The following MAP2K2 variants were observed in gnomAD, a reference collection of about 807,000 sequenced individuals.
The protein encoded by MAP2K2 is mitogen-activated protein kinase kinase 2.
MAP2K2 carries 24 observed loss-of-function variants against 43.7 expected under a neutral mutation model. That is an observed-to-expected ratio of 0.55 (90% CI 0.40 to 0.77). The LOEUF (loss-of-function observed/expected upper bound fraction) is 0.77, where lower values mean the gene tolerates loss of function less well. Ranked by LOEUF, MAP2K2 falls within the 30% of genes least tolerant of loss-of-function variation. The pLI, the probability that MAP2K2 is intolerant of heterozygous loss-of-function variation, is 0.00. For synonymous variants in MAP2K2, 244 were observed against 239.7 expected (o/e 1.02, Z -0.17); for missense variants, 470 against 566.8 (o/e 0.83, Z 1.73).
intron 8 of MAP2K2, among the ~76,000 whole-genome samples, chr19:4,096,174 G>C (rs2040914611): frequency 6.6e-6 from 1 of 152,248 alleles, no homozygotes; most frequent in Non-Finnish European, 1.5e-5. Context: ...GCAGGGCAGG[G>C]GCAGGCCTTT....
chr19:4,099,273 C>A lies in MAP2K2; in HGVS notation c.847G>T (p.Val283Leu), dbSNP rs185999703. The change falls in exon 7 of 11, where the codon GTG (valine) becomes TTG (leucine). Residue 283 changes from valine to leucine, a missense_variant. Val to Leu is a conservative substitution (Grantham distance 32). This residue lies in a region of MAP2K2 where 212 missense variants were observed against 220.8 expected (regional missense o/e 0.96). Coordinates refer to ENST00000262948, the MANE Select transcript of MAP2K2 (RefSeq NM_030662.4). ...GGCTCTCCTTCTTCCCCGTCGACCA[C>A]GGGCCGGCCAAAGATGGCCTCCAGC... ...KELEAIFGRP[V>L]VDGEEGEPHS... 4.4e-6 allele frequency: 7 copies of A among 1,605,934 alleles called. No individual in the cohort carries two copies. In the East Asian group the frequency reaches 1.3e-4, roughly 31 times the overall value.
intron 3 of MAP2K2, among the ~76,000 whole-genome samples, chr19:4,108,041 G>A (rs1000917614): frequency 6.6e-6 from 1 of 152,188 alleles, no homozygotes; most frequent in Non-Finnish European, 1.5e-5. Context: ...GGGAGGGAAT[G>A]AATCAGGTGC....
intron 9 of MAP2K2, 97 bp from the exon 10 acceptor site, chr19:4,094,595 G>T (rs539583316): frequency 8.5e-7 from 1 of 1,176,712 alleles, no homozygotes; most frequent in Non-Finnish European, 1.2e-6. Flanking sequence ...GGCCGTGGTC[G>T]GAGGGGGCCT....
intron 3 of MAP2K2, chr19:4,103,248 G>C (rs538270942): frequency 1.0e-6 from 1 of 985,654 alleles, no homozygotes; most frequent in Non-Finnish European, 1.2e-6. Context: ...GCTGGTCCCC[G>C]GGTGTGGCCC....
chr19:4,101,813 C>T lies in MAP2K2; in HGVS notation c.529-533G>A, dbSNP rs530630295. On this transcript the variant is annotated intron_variant, in intron 4 of 10. Coordinates refer to ENST00000262948, the MANE Select transcript of MAP2K2 (RefSeq NM_030662.4). The surrounding 1 kb of genome is among the most constrained non-coding windows in gnomAD (Gnocchi z 6.3). ...TCGGAAACGCGTGTCTGGCAGCATGCGTCCTGTGTCTTAATCCAACACTGG... is the reference window on the plus strand; with the variant it reads ...TCGGAAACGCGTGTCTGGCAGCATGTGTCCTGTGTCTTAATCCAACACTGG... 2.2e-4 allele frequency among the ~76,000 whole-genome samples: 34 copies of T among 152,294 alleles called. No homozygotes were observed. Among genetic ancestry groups the T allele is most frequent in the Middle Eastern group, 6.8e-3 (2 of 294 alleles).
At chr19:4,103,778 G>A (rs1333229683) in intron 3 of MAP2K2, among the ~76,000 whole-genome samples, 1 of 152,196 alleles carries the variant, frequency 6.6e-6, no homozygotes, top group Admixed American at 6.5e-5. Flanking sequence ...GACCTCTAAA[G>A]CATACACGTG....
chr19:4,105,155 C>CGTGTGTGTGTGTGTGTGTGTGTGT (rs61710801), intron 3 of MAP2K2, among the ~76,000 whole-genome samples: 2 of 137,688 alleles, frequency 1.5e-5, no homozygotes, highest in African/African-American at 5.9e-5. Context: ...ACACGTCTAC[C>CGTGTGTGTGTGTGTGTGTGTGTGT]GTGTGTGTGT....
At chr19:4,102,875 C>T (rs2041034693) in intron 3 of MAP2K2, 2 of 1,176,008 alleles carry the variant, frequency 1.7e-6, no homozygotes, top group African/African-American at 3.2e-5. Context: ...GCGTCTTGGG[C>T]CTGCGTCCTC....
At chr19:4,100,958 G>C (rs1258832030) in intron 6 of MAP2K2, 61 bp downstream of exon 6, 2 of 1,544,490 alleles carry the variant, frequency 1.3e-6, no homozygotes, top group Admixed American at 2.0e-5. Flanking sequence ...AGCTGGGTGG[G>C]GAGAGCTTGG....
At chr19:4,097,738 G>T (rs2040940610) in intron 7 of MAP2K2, among the ~76,000 whole-genome samples, 1 of 152,324 alleles carries the variant, frequency 6.6e-6, no homozygotes, top group South Asian at 2.1e-4. Flanking sequence ...GCGGTGATGG[G>T]GGCAGGCCCC....
At chr19:4,110,686 G>T (rs377601348) in intron 2 of MAP2K2, 31 bp from the exon 3 acceptor site, 73 of 1,601,506 alleles carry the variant, frequency 4.6e-5, no homozygotes, top group Middle Eastern at 1.7e-4. Flanking sequence ...GACTGGCTTG[G>T]GGGGTGCCCG....
At chr19:4,110,036 G>A (rs1283635957) in intron 3 of MAP2K2, among the ~76,000 whole-genome samples, 1 of 152,172 alleles carries the variant, frequency 6.6e-6, no homozygotes, top group African/African-American at 2.4e-5. Flanking sequence ...GGGCGCGGTG[G>A]CTCACACCTG....
intron 4 of MAP2K2, 138 bp downstream of exon 4, chr19:4,102,238 A>C: frequency 1.3e-6 from 1 of 751,804 alleles, no homozygotes; most frequent in Non-Finnish European, 2.3e-6. Context: ...GCAGGTGGGC[A>C]CAGCCTTGGC....
At chr19:4,108,199 C>A (rs1036001889) in intron 3 of MAP2K2, among the ~76,000 whole-genome samples, 1 of 152,184 alleles carries the variant, frequency 6.6e-6, no homozygotes, top group Non-Finnish European at 1.5e-5. Flanking sequence ...CCTGTCAGGG[C>A]TCACCCAATG....
At chr19:4,114,301 C>T (rs1411482985) in intron 2 of MAP2K2, among the ~76,000 whole-genome samples, 1 of 152,132 alleles carries the variant, frequency 6.6e-6, no homozygotes, top group African/African-American at 2.4e-5. Flanking sequence ...AACTGTAAAA[C>T]GAGGCTGCTG....
At position 4,101,254 on chromosome 19, in the gene MAP2K2, T is replaced by A; in HGVS notation, c.555A>T (p.Arg185=). 1 of 1,586,230 alleles carries A rather than the reference T, an allele frequency of 6.3e-7. No individual in the cohort carries two copies. The highest frequency in any genetic ancestry group is 1.3e-5 in the African/African-American group (1 of 74,442). ...IAVLRGLAYL[R]EKHQIMHRDV... is the part of the protein sequence containing the mutation. ...CTCGGTGCATGATCTGGTGCTTCTC[T>A]CGGAGGTACGCCAAGCCCCGGAGAA... is the stretch of plus-strand genomic sequence containing the variant. Residue 185 remains arginine (R), a synonymous_variant, in exon 5 of 11, where the codon CGA becomes CGT. Transcript: ENST00000262948. This position sits in a 1 kb window ranked among gnomAD's most constrained non-coding sequence, Gnocchi z 6.3.
intron 3 of MAP2K2, among the ~76,000 whole-genome samples, chr19:4,103,686 T>C (rs1330675950): frequency 6.6e-6 from 1 of 152,180 alleles, no homozygotes; most frequent in Non-Finnish European, 1.5e-5. Context: ...GGTGCCCGGG[T>C]TGCCGCTCTC....
At chr19:4,096,088 A>G (rs2040913147) in intron 8 of MAP2K2, among the ~76,000 whole-genome samples, 3 of 152,212 alleles carry the variant, frequency 2.0e-5, no homozygotes, top group Admixed American at 6.5e-5. Flanking sequence ...CTGGGTCCAC[A>G]GTTTTAAGCC....
chr19:4,095,371 A>G lies in MAP2K2; in HGVS notation c.1046+17T>C. ...CTGGGTCCCGGCCAGGGGTGTGGGC[A>G]GCCCGGCTCCACCTACCATTTATTG... On this transcript the variant is annotated intron_variant, in intron 9 of 10. Coordinates refer to ENST00000262948, the MANE Select transcript of MAP2K2 (RefSeq NM_030662.4). The G allele has an allele frequency of 6.4e-7, 1 of 1,550,514 alleles. No individual in the cohort carries two copies. The highest frequency in any genetic ancestry group is 1.7e-4 in the Middle Eastern group (1 of 5,982).
Sources: gnomAD v4.1 joint callset for allele counts (sites outside exome capture counted in the v4.1 genomes callset) on GRCh38, gnomAD v4.1.1 for gene constraint, gnomAD v4.1.1 regional missense constraint, Gnocchi (gnomAD v3.1) non-coding constraint, MANE v1.5 for transcripts, NCBI Gene and HGNC (gene_info 2026-07-23, HGNC 2026-07-21) for gene names.